The following HCN1 variants were observed in gnomAD, a reference collection of about 807,000 sequenced individuals.
HCN1 encodes potassium/sodium hyperpolarization-activated cyclic nucleotide-gated channel 1.
HCN1 carries 13 observed loss-of-function variants against 78.9 expected under a neutral mutation model. The observed-to-expected ratio is 0.16, with a 90% confidence interval of 0.11 to 0.26. HCN1 has a LOEUF of 0.26. HCN1 is among the 10% of genes least tolerant of loss of function. The pLI is 1.00. For synonymous variants in HCN1, 552 were observed against 455.5 expected (o/e 1.21, Z -2.70); for missense variants, 810 against 1,154.3 (o/e 0.70, Z 4.32).
rs369640559 is a variant in HCN1, at chr5:45,402,391, A to C, written c.1012-5681T>G. 5.9e-5 allele frequency among the ~76,000 whole-genome samples: 9 copies of C among 152,164 alleles called. No individual in the cohort carries two copies. The East Asian group carries it at 1.2e-3, about 20-fold the overall frequency. ...AACATCAGCAGACATTTTAGTTTTC[A>C]CAACTGGCAGAGGTGCTATTAATAT... is the stretch of plus-strand genomic sequence containing the variant. On this transcript the variant is annotated intron_variant, in intron 3 of 7. Coordinates refer to ENST00000303230, the MANE Select transcript of HCN1 (RefSeq NM_021072.4).
chr5:45,639,306 C>T lies in HCN1; in HGVS notation c.849+5879G>A, dbSNP rs1745411842. Among the ~76,000 whole-genome samples the T allele has an allele frequency of 2.0e-5, 3 of 152,110 alleles. No individual in the cohort carries two copies. The South Asian group carries it at 6.2e-4, about 32-fold the overall frequency. ...CTTGCAGAAAATATCAGGCAATTCA[C>T]ACACATGCAATAATGTTGGTGTCAG... On this transcript the variant is annotated intron_variant, in intron 2 of 7. Coordinates refer to ENST00000303230, the MANE Select transcript of HCN1 (RefSeq NM_021072.4).
chr5:45,263,676 C>A (rs955780713), intron 7 of HCN1, among the ~76,000 whole-genome samples: 1 of 152,230 alleles, frequency 6.6e-6, no homozygotes, highest in Non-Finnish European at 1.5e-5. Context: ...CTAACATCCA[C>A]TTGTTCCCTA....
At chr5:45,494,444 GTTGT>G (rs1399967404) in intron 2 of HCN1, among the ~76,000 whole-genome samples, 1 of 151,730 alleles carries the variant, frequency 6.6e-6, no homozygotes, top group Non-Finnish European at 1.5e-5. Context: ...TTTTGATGGG[GTTGT>G]TTGTTTTTTT....
At chr5:45,630,367 T>A (rs1467288297) in intron 2 of HCN1, among the ~76,000 whole-genome samples, 1 of 152,212 alleles carries the variant, frequency 6.6e-6, no homozygotes, top group Non-Finnish European at 1.5e-5. Context: ...TGTGCCTCAA[T>A]TTCTTCACTT....
rs1445787418 is a variant in HCN1 at position 45,267,211 on chromosome 5, C to T, written c.1661G>A (p.Arg554Gln). The T allele has an allele frequency of 3.7e-6, 6 of 1,613,930 alleles. No homozygotes were observed. The highest frequency in any genetic ancestry group is 1.1e-5 in the South Asian group (1 of 91,068). The change falls in exon 7 of 8, where the codon CGA becomes CAA. Residue 554 changes from arginine to glutamine, a missense_variant. Arg to Gln is a conservative substitution (Grantham distance 43). Coordinates refer to ENST00000303230, the MANE Select transcript of HCN1 (RefSeq NM_021072.4). ...GTAAAGACGACAATATGTATCAGCT[C>T]GAACACTGGCAGTACGACGTCCTTT... is the stretch of plus-strand genomic sequence containing the variant. ...LTKGRRTASV[R>Q]ADTYCRLYSL...
At chr5:45,554,629 G>A (rs981295747) in intron 2 of HCN1, among the ~76,000 whole-genome samples, 16 of 151,708 alleles carry the variant, frequency 1.1e-4, no homozygotes, top group Admixed American at 2.6e-4. Context: ...GCCCCCTACA[G>A]CCTAATCCAA....
chr5:45,284,520 G>A (rs1745230388), intron 6 of HCN1, among the ~76,000 whole-genome samples: 1 of 152,146 alleles, frequency 6.6e-6, no homozygotes, highest in Admixed American at 6.6e-5. Context: ...CTTAGCATCT[G>A]TGCACTGAAA....
chr5:45,621,369 T>C (rs1485536410), intron 2 of HCN1, among the ~76,000 whole-genome samples: 1 of 152,116 alleles, frequency 6.6e-6, no homozygotes, highest in Non-Finnish European at 1.5e-5. Flanking sequence ...GAAGGTTAAA[T>C]GCTTTTTTGA....
intron 6 of HCN1, among the ~76,000 whole-genome samples, chr5:45,268,354 T>C (rs909577088): frequency 6.6e-6 from 1 of 152,248 alleles, no homozygotes; most frequent in African/African-American, 2.4e-5. Flanking sequence ...GCTTTGATTA[T>C]TTTTAATTTG....
At chr5:45,495,297 C>T (rs1407486367) in intron 2 of HCN1, among the ~76,000 whole-genome samples, 4 of 129,576 alleles carry the variant, frequency 3.1e-5, no homozygotes, top group African/African-American at 1.2e-4. Flanking sequence ...TTGTAGTTCT[C>T]CTTGAAGAGG....
At chr5:45,307,423 A>G (rs928400903) in intron 5 of HCN1, among the ~76,000 whole-genome samples, 1 of 152,154 alleles carries the variant, frequency 6.6e-6, no homozygotes, top group African/African-American at 2.4e-5. Context: ...CCAATAGAGA[A>G]ACATGAAAAA....
intron 6 of HCN1, among the ~76,000 whole-genome samples, chr5:45,302,447 T>C (rs912783712): frequency 8.6e-5 from 13 of 152,040 alleles, no homozygotes; most frequent in Admixed American, 8.5e-4. Flanking sequence ...TTTACAGTAG[T>C]GTGAAAATGG....
chr5:45,616,952 A>G (rs1744970211), intron 2 of HCN1, among the ~76,000 whole-genome samples: 1 of 152,022 alleles, frequency 6.6e-6, no homozygotes, highest in Non-Finnish European at 1.5e-5. Flanking sequence ...TGTAGTCTTA[A>G]AGATGCCTGT....
At chr5:45,447,738 A>T (rs1740828795) in intron 3 of HCN1, among the ~76,000 whole-genome samples, 1 of 152,178 alleles carries the variant, frequency 6.6e-6, no homozygotes. Context: ...TTCATATCAG[A>T]AAGCACCTTG....
chr5:45,445,750 A>C (rs796158068), intron 3 of HCN1, among the ~76,000 whole-genome samples: 1 of 151,874 alleles, frequency 6.6e-6, no homozygotes, highest in Non-Finnish European at 1.5e-5. Flanking sequence ...TGTTCTGCAG[A>C]CACCGCTGCT....
intron 3 of HCN1, among the ~76,000 whole-genome samples, chr5:45,457,499 A>C (rs1741050802): frequency 6.6e-6 from 1 of 152,160 alleles, no homozygotes; most frequent in South Asian, 2.1e-4. Context: ...ACAAAAACAA[A>C]TAATATAAAT....
intron 5 of HCN1, among the ~76,000 whole-genome samples, chr5:45,340,994 C>T (rs1746568105): frequency 6.6e-6 from 1 of 152,066 alleles, no homozygotes; most frequent in South Asian, 2.1e-4. Context: ...TTTGCATTCC[C>T]TCAATGAGAT....
chr5:45,272,265 C>T (rs151279731), intron 6 of HCN1, among the ~76,000 whole-genome samples: 18 of 151,826 alleles, frequency 1.2e-4, no homozygotes, highest in South Asian at 2.1e-4. Flanking sequence ...GTGTCTTTGG[C>T]GGGGATGGGG....
chr5:45,649,753 G>C (rs897094592), intron 1 of HCN1, among the ~76,000 whole-genome samples: 1 of 151,994 alleles, frequency 6.6e-6, no homozygotes, highest in African/African-American at 2.4e-5. Flanking sequence ...TAGCATCTAA[G>C]ATAGCAAATG....
Sources: gnomAD v4.1 joint callset for allele counts (sites outside exome capture counted in the v4.1 genomes callset) on GRCh38, gnomAD v4.1.1 for gene constraint, MANE v1.5 for transcripts, NCBI Gene and HGNC (gene_info 2026-07-23, HGNC 2026-07-21) for gene names.